ITGA4: variants seen among roughly 807,000 people sequenced by gnomAD.
ITGA4 encodes the protein integrin alpha-4.
Under a neutral mutation model 133.6 loss-of-function variants are expected in ITGA4, and 63 were observed. The ratio of observed to expected loss-of-function variants is 0.47; its 90% CI spans 0.38 to 0.58. ITGA4 has a LOEUF of 0.58. Among genes scored for constraint, ITGA4 ranks in the 20% least tolerant of loss-of-function variants. The pLI is 0.00. For missense variants in ITGA4, 1,076 were observed against 1,252.7 expected (o/e 0.86, Z 2.13); for synonymous variants, 483 against 438.0 (o/e 1.10, Z -1.28).
chr2:181,461,907 T>C (rs1300269687), intron 2 of ITGA4, among the ~76,000 whole-genome samples: 2 of 152,184 alleles, frequency 1.3e-5, no homozygotes, highest in Non-Finnish European at 2.9e-5. Flanking sequence ...TTTGAATACT[T>C]AGTATAAGAA....
rs924777649 is a variant in ITGA4, at chr2:181,515,997, ACTCT to A, written c.1922+4228_1922+4231del. ...ACAGTACGCTAAACAGTGCTTATCC[ACTCT>A]CTCTCATCTCTTAAGTTGAGGCTTC... On this transcript the variant is annotated intron_variant, in intron 17 of 27. Coordinates refer to ENST00000397033, the MANE Select transcript of ITGA4 (RefSeq NM_000885.6). Among the ~76,000 whole-genome samples the A allele has an allele frequency of 6.5e-4, 13 of 19,904 alleles. No homozygotes were observed. In the East Asian group the frequency reaches 7.7e-3, roughly 12 times the overall value. The allele number at this position is 19,904 out of a possible 152,430, so 13.1% of individuals were successfully genotyped here.
Position 181,482,427 on chromosome 2 carries a change from T to C in ITGA4, c.903+5T>C, listed in dbSNP as rs1457978618. On this transcript the variant is annotated splice_donor_5th_base_variant and intron_variant, in intron 8 of 27. Coordinates refer to ENST00000397033, the MANE Select transcript of ITGA4 (RefSeq NM_000885.6). The stretch of plus-strand genomic sequence containing the variant: ...CATGAAATGAAAGGTAAAAAGGTAA[T>C]ATGTCTCTACCTTTAGTATCTCTGT... 3.1e-6 allele frequency: 5 copies of C among 1,613,170 alleles called. No homozygotes were observed. The highest frequency in any genetic ancestry group is 1.7e-5 in the Admixed American group (1 of 59,922).
chr2:181,479,034 A>G, intron 5 of ITGA4: 1 of 349,426 alleles, frequency 2.9e-6, no homozygotes, highest in Non-Finnish European at 5.3e-6. Flanking sequence ...ATACTGCATA[A>G]GATGAATGAA....
At chr2:181,530,081 C>T (rs971934000) in intron 23 of ITGA4, among the ~76,000 whole-genome samples, 1 of 152,072 alleles carries the variant, frequency 6.6e-6, no homozygotes, top group African/African-American at 2.4e-5. Context: ...CTGATGGTTC[C>T]ATCAGAATTG....
chr2:181,461,562 G>T (rs558284444), intron 2 of ITGA4, among the ~76,000 whole-genome samples: 23 of 151,934 alleles, frequency 1.5e-4, no homozygotes, highest in African/African-American at 4.8e-4. Context: ...CCTAAATTAA[G>T]GTGTCACAAA....
At chr2:181,476,815 C>T (rs1685686942) in intron 4 of ITGA4, among the ~76,000 whole-genome samples, 1 of 152,138 alleles carries the variant, frequency 6.6e-6, no homozygotes, top group South Asian at 2.1e-4. Context: ...ATGTCCTTTG[C>T]AGCAACTTAT....
chr2:181,461,431 C>T (rs1559035101), intron 2 of ITGA4, among the ~76,000 whole-genome samples: 1 of 151,658 alleles, frequency 6.6e-6, no homozygotes, highest in Non-Finnish European at 1.5e-5. Context: ...AGGGTCTGGG[C>T]CCAGACTTGC....
chr2:181,469,303 A>T (rs1685491531), intron 2 of ITGA4, among the ~76,000 whole-genome samples: 1 of 152,210 alleles, frequency 6.6e-6, no homozygotes, highest in Non-Finnish European at 1.5e-5. Flanking sequence ...AAGAAAAGGC[A>T]TAACCATCTG....
At position 181,524,215 on chromosome 2, in the gene ITGA4, G is replaced by A. The variant is rs190472017; in HGVS notation, c.2214G>A (p.Ala738=). The change falls in exon 20 of 28, where the codon GCG becomes GCA. Residue 738 remains alanine (A), a synonymous_variant. Transcript: ENST00000397033. The part of the protein sequence containing the change: ...FLLDVSSLSR[A]EEDLSITVHA... ...TGGATGTGAGCTCACTCAGCAGAGC[G>A]GAAGAGGACCTCAGTATCACAGTGC... 5,741 of 1,602,172 alleles carry A rather than the reference G, an allele frequency of 3.6e-3. 15 individuals carry two copies. The highest frequency in any genetic ancestry group is 8.8e-3 in the South Asian group (779 of 88,994).
chr2:181,535,066 A>T (rs1687031460), intron 27 of ITGA4, 131 bp downstream of exon 27: 1 of 977,822 alleles, frequency 1.0e-6, no homozygotes, highest in Admixed American at 3.4e-5. Flanking sequence ...CTCAGTACTG[A>T]TCTCACATTT....
chr2:181,472,415 A>G (rs540298598), intron 2 of ITGA4, among the ~76,000 whole-genome samples: 42 of 152,176 alleles, frequency 2.8e-4, no homozygotes, highest in Non-Finnish European at 5.6e-4. Flanking sequence ...TCGTAATGAA[A>G]GTGTCTATTA....
chr2:181,514,521 C>T (rs1283043053), intron 17 of ITGA4, among the ~76,000 whole-genome samples: 1 of 139,626 alleles, frequency 7.2e-6, no homozygotes, highest in East Asian at 2.0e-4. Flanking sequence ...TGTATCCCAG[C>T]ATGTAGGGCA....
intron 9 of ITGA4, among the ~76,000 whole-genome samples, chr2:181,485,195 A>G (rs1054757653): frequency 6.6e-5 from 10 of 152,178 alleles, no homozygotes; most frequent in Non-Finnish European, 1.5e-4. Context: ...CTAAATTAAG[A>G]GTAAATTTTC....
chr2:181,510,997 A>G (rs1460884647), intron 16 of ITGA4, among the ~76,000 whole-genome samples: 4 of 151,962 alleles, frequency 2.6e-5, no homozygotes, highest in Non-Finnish European at 4.4e-5. Context: ...TACTCTAGTC[A>G]CTTCACACTT....
chr2:181,506,732 A>T (rs930812799), intron 15 of ITGA4, among the ~76,000 whole-genome samples: 1 of 152,064 alleles, frequency 6.6e-6, no homozygotes, highest in African/African-American at 2.4e-5. Context: ...TGTGATAGGG[A>T]TTTATTCCCT....
At chr2:181,525,085 C>A in intron 20 of ITGA4, 117 bp from the exon 21 acceptor site, 1 of 493,438 alleles carries the variant, frequency 2.0e-6, no homozygotes, top group Non-Finnish European at 3.5e-6. Flanking sequence ...ATCCCCACTC[C>A]TCAAAAAGCA....
At chr2:181,494,897 A>G in intron 12 of ITGA4, 85 bp downstream of exon 12, 5 of 731,814 alleles carry the variant, frequency 6.8e-6, no homozygotes, top group South Asian at 6.5e-5. Context: ...TAAAACTGGT[A>G]TGAAAGACTT....
At position 181,523,214 on chromosome 2, in the gene ITGA4, A is replaced by T; in HGVS notation, c.2074-223A>T. On this transcript the variant is annotated intron_variant, in intron 18 of 27. Transcript: ENST00000397033. The surrounding 1 kb of genome is among the most constrained non-coding windows in gnomAD (Gnocchi z 4.2). ...CACATATATATACACACACATATATACACACATATATACATACATATATAT... is the reference window on the plus strand; with the variant it reads ...CACATATATATACACACACATATATTCACACATATATACATACATATATAT... 1 of 381,752 alleles carries T rather than the reference A, an allele frequency of 2.6e-6. No homozygotes were observed. Among genetic ancestry groups the T allele is most frequent in the Non-Finnish European group, 4.9e-6 (1 of 204,274 alleles). The allele number at this position is 381,752 out of a possible 1,614,324, so 23.6% of individuals were successfully genotyped here. A position where few individuals can be genotyped will look rare whatever the true frequency, so the allele number is the denominator to read the frequency against.
chr2:181,498,512 T>A, intron 14 of ITGA4, 111 bp from the exon 15 acceptor site: 1 of 541,524 alleles, frequency 1.8e-6, no homozygotes, highest in Non-Finnish European at 3.1e-6. Flanking sequence ...ATAAAGAGAA[T>A]TCCAGATATT....
Sources: allele counts gnomAD v4.1 joint callset (sites outside exome capture counted in the v4.1 genomes callset), GRCh38; gene constraint gnomAD v4.1.1; non-coding constraint Gnocchi (gnomAD v3.1); transcripts MANE v1.5; gene names NCBI Gene and HGNC (gene_info 2026-07-23, HGNC 2026-07-21).